The following PLCB1 variants were observed in gnomAD, a reference collection of about 807,000 sequenced individuals.
PLCB1 encodes the protein 1-phosphatidylinositol 4,5-bisphosphate phosphodiesterase beta-1.
Under a neutral mutation model 161.8 loss-of-function variants are expected in PLCB1, and 46 were observed. The observed-to-expected ratio is 0.28, with a 90% confidence interval of 0.22 to 0.36. The LOEUF is 0.36. PLCB1 is among the 10% of genes least tolerant of loss of function. The pLI, the probability that PLCB1 is intolerant of heterozygous loss-of-function variation, is 1.00. For synonymous variants in PLCB1, 517 were observed against 503.7 expected (o/e 1.03, Z -0.35); for missense variants, 1,016 against 1,472.5 (o/e 0.69, Z 5.07).
chr20:8,625,635 T>C (rs2207071), intron 3 of PLCB1, among the ~76,000 whole-genome samples: 7,369 of 152,230 alleles, frequency 0.048, 592 homozygotes, highest in African/African-American at 0.17. Flanking sequence ...CAGAACTATA[T>C]GGTTTTAAAA....
At chr20:8,798,606 G>C (rs1984144450) in intron 31 of PLCB1, among the ~76,000 whole-genome samples, 1 of 151,984 alleles carries the variant, frequency 6.6e-6, no homozygotes, top group Non-Finnish European at 1.5e-5. Context: ...CCCTGGCCCA[G>C]GAGTCAGACA....
intron 3 of PLCB1, among the ~76,000 whole-genome samples, chr20:8,602,165 C>T (rs1857436104): frequency 6.6e-6 from 1 of 152,106 alleles, no homozygotes; most frequent in African/African-American, 2.4e-5. Flanking sequence ...TTCCAATACC[C>T]ATAATGATGG....
At chr20:8,474,310 G>C (rs1982177176) in intron 3 of PLCB1, among the ~76,000 whole-genome samples, 1 of 152,176 alleles carries the variant, frequency 6.6e-6, no homozygotes, top group African/African-American at 2.4e-5. Context: ...TGACATGCTA[G>C]AGGGTGATGC....
chr20:8,635,341 G>C (rs1019083935), intron 4 of PLCB1, among the ~76,000 whole-genome samples: 1 of 152,152 alleles, frequency 6.6e-6, no homozygotes, highest in African/African-American at 2.4e-5. Context: ...TTGAACTCTT[G>C]AAAATAAGTG....
At chr20:8,252,121 G>T (rs1451417069) in intron 2 of PLCB1, among the ~76,000 whole-genome samples, 2 of 151,846 alleles carry the variant, frequency 1.3e-5, no homozygotes, top group African/African-American at 4.8e-5. Flanking sequence ...ATCATAGACT[G>T]GATAGAAAGG....
At chr20:8,256,547 C>T (rs67750658) in intron 2 of PLCB1, among the ~76,000 whole-genome samples, 6 of 151,940 alleles carry the variant, frequency 3.9e-5, no homozygotes, top group African/African-American at 9.7e-5. Flanking sequence ...ACATCCTGCT[C>T]GCTATAGGAG....
chr20:8,771,861 T>TTTCCTTCCTTCG (rs145086644), intron 26 of PLCB1, among the ~76,000 whole-genome samples: 2 of 130,162 alleles, frequency 1.5e-5, no homozygotes, highest in African/African-American at 6.0e-5. Context: ...ATTGAATTTG[T>TTTCCTTCCTTCG]TTCCTTCCTT....
intron 2 of PLCB1, among the ~76,000 whole-genome samples, chr20:8,340,479 G>A (rs1394534553): frequency 6.6e-6 from 1 of 152,056 alleles, no homozygotes; most frequent in Non-Finnish European, 1.5e-5. Context: ...CTGGAGTGCA[G>A]TGGCGCGATC....
intron 20 of PLCB1, 97 bp from the exon 21 acceptor site, chr20:8,739,159 AAAGAG>A: frequency 1.3e-6 from 1 of 794,508 alleles, no homozygotes. Context: ...TCAAAAAAAG[AAAGAG>A]AAAAGAAAAG....
chr20:8,410,314 T>C (rs1307488189), intron 3 of PLCB1, among the ~76,000 whole-genome samples: 1 of 152,044 alleles, frequency 6.6e-6, no homozygotes, highest in Non-Finnish European at 1.5e-5. Context: ...AGTCCTAGAG[T>C]GTGCTTATAT....
chr20:8,289,095 C>T (rs558848529), intron 2 of PLCB1, among the ~76,000 whole-genome samples: 21 of 152,176 alleles, frequency 1.4e-4, no homozygotes, highest in Non-Finnish European at 2.5e-4. Flanking sequence ...ATCCAGATCA[C>T]CTCAGATCCT....
In PLCB1 at chr20:8,454,652, C is replaced by T. The variant is rs77346366; in HGVS notation, c.246+83202C>T. 8.1e-3 allele frequency among the ~76,000 whole-genome samples: 1,237 copies of T among 152,254 alleles called. 35 individuals are homozygous for T. Among genetic ancestry groups the T allele is most frequent in the Admixed American group, 0.058 (885 of 15,286 alleles). ...GTTTTTGTGGAGACTGCCACTCTTA[C>T]GTCTGTAATGCTATTCTGCAGACAC... On this transcript the variant is annotated intron_variant, in intron 3 of 31. Coordinates refer to ENST00000338037, the MANE Select transcript of PLCB1 (RefSeq NM_015192.4).
At chr20:8,177,708 T>A (rs2051797791) in intron 2 of PLCB1, among the ~76,000 whole-genome samples, 1 of 152,106 alleles carries the variant, frequency 6.6e-6, no homozygotes, top group Non-Finnish European at 1.5e-5. Context: ...TTTTATTTAT[T>A]TTCAGGGGTA....
chr20:8,151,205 A>G (rs1274579329), intron 2 of PLCB1, among the ~76,000 whole-genome samples: 5 of 152,196 alleles, frequency 3.3e-5, no homozygotes, highest in Non-Finnish European at 5.9e-5. Flanking sequence ...CATACTGAAA[A>G]CAATAGAATA....
In PLCB1 at chr20:8,542,610, A is replaced by G. The variant is rs145495756; in HGVS notation, c.247-85684A>G. On this transcript the variant is annotated intron_variant, in intron 3 of 31. Transcript: ENST00000338037. ...GGGGAGAAAAAGAACAGCACTTAAG[A>G]AAAGAATGGAAAAGTTTCAGTGACA... Among the ~76,000 whole-genome samples the G allele has an allele frequency of 3.9e-5, 6 of 152,344 alleles. No homozygotes were observed. In the East Asian group the frequency reaches 1.2e-3, roughly 29 times the overall value.
chr20:8,233,584 C>T (rs1320439573), intron 2 of PLCB1, among the ~76,000 whole-genome samples: 1 of 152,162 alleles, frequency 6.6e-6, no homozygotes, highest in Non-Finnish European at 1.5e-5. Flanking sequence ...AAGGTACACT[C>T]TTCTAAATAG....
At chr20:8,537,794 G>T (rs542669249) in intron 3 of PLCB1, among the ~76,000 whole-genome samples, 1 of 152,060 alleles carries the variant, frequency 6.6e-6, no homozygotes, top group Non-Finnish European at 1.5e-5. Flanking sequence ...ACACCCAGAG[G>T]AAATTTGGAA....
chr20:8,691,838 G>A (rs149398212), intron 10 of PLCB1, among the ~76,000 whole-genome samples: 1 of 152,158 alleles, frequency 6.6e-6, no homozygotes, highest in African/African-American at 2.4e-5. Context: ...TAATTATCAT[G>A]GTCACTTTTT....
intron 3 of PLCB1, among the ~76,000 whole-genome samples, chr20:8,475,633 G>A (rs921545991): frequency 9.9e-5 from 15 of 152,064 alleles, no homozygotes; most frequent in Non-Finnish European, 2.2e-4. Flanking sequence ...TCAGACACTT[G>A]CACACTTTTT....
Sources: allele counts gnomAD v4.1 joint callset (sites outside exome capture counted in the v4.1 genomes callset), GRCh38; gene constraint gnomAD v4.1.1; transcripts MANE v1.5; gene names NCBI Gene and HGNC (gene_info 2026-07-23, HGNC 2026-07-21).